Variants in EPN3 observed in about 807,000 individuals in gnomAD.
EPN3 encodes the protein epsin-3.
In EPN3, 56 loss-of-function variants were observed where a neutral mutation model predicts 55.5. That is an observed-to-expected ratio of 1.01 (90% CI 0.81 to 1.26). The LOEUF is 1.26. Among genes scored for constraint, EPN3 ranks in the 50% most tolerant of loss-of-function variants. The probability of loss-of-function intolerance (pLI) is 0.00; values close to 1 mark genes in which losing one functional copy is unlikely to be tolerated. For missense variants in EPN3, 927 were observed against 853.4 expected (o/e 1.09, Z -1.07); for synonymous variants, 449 against 375.2 (o/e 1.20, Z -2.27).
rs1276107029 is a variant in EPN3 at position 50,536,834 on chromosome 17, C to A, written c.278C>A (p.Ala93Asp). ...CTCAAGACGGGCTCCGAGCGGGTGG[C>A]CCACCAGTGCCGCGAGAACCTCTAC... ...YLLKTGSERV[A>D]HQCRENLYTI... The change falls in exon 2 of 10, where the codon GCC (alanine) becomes GAC (aspartate). Residue 93 changes from alanine to aspartate, a missense_variant. Physicochemically the swap from Ala to Asp is moderately radical, Grantham distance 126. Coordinates refer to ENST00000268933, the MANE Select transcript of EPN3 (RefSeq NM_017957.3). 2 of 1,614,024 alleles carry A rather than the reference C, an allele frequency of 1.2e-6. No homozygotes were observed. The highest frequency in any genetic ancestry group is 4.5e-5 in the East Asian group (2 of 44,864).
rs767229067 is a variant in EPN3 at position 50,537,463 on chromosome 17, G to A, written c.562+345G>A. The A allele has an allele frequency of 8.8e-6, 3 of 341,700 alleles. No homozygotes were observed. The South Asian group carries it at 1.1e-4, about 12-fold the overall frequency. The allele number at this position is 341,700 out of a possible 1,614,324, so 21.2% of individuals were successfully genotyped here. ...TCTCTGAACCTCAGTTTCCTCATCTGTACAGTGGGGATAAGCTCACCTACC... is the reference window on the plus strand; with the variant it reads ...TCTCTGAACCTCAGTTTCCTCATCTATACAGTGGGGATAAGCTCACCTACC... On this transcript the variant is annotated intron_variant, in intron 2 of 9. Transcript: ENST00000268933.
In EPN3 at chr17:50,541,211, TCCTC is replaced by T; in HGVS notation, c.1250-17_1250-14del. 6.2e-7 allele frequency: 1 copy of T among 1,613,282 alleles called. No individual in the cohort carries two copies. The highest frequency in any genetic ancestry group is 1.1e-5 in the South Asian group (1 of 91,068). On this transcript the variant is annotated splice_polypyrimidine_tract_variant and intron_variant, in intron 7 of 9. Transcript: ENST00000268933. ...CCCTTTTTGTCAACCCATCTCCTCT[TCCTC>T]TCTCTCTTCCGAGGTGGTGCCTCGA...
intron 1 of EPN3, chr17:50,534,685 C>A: frequency 1.0e-6 from 1 of 976,278 alleles, no homozygotes. Context: ...CACTCTCCAC[C>A]TCGCCCACTC....
rs2034804678 is a variant in EPN3 at position 50,538,929 on chromosome 17, C to G, written c.727C>G (p.Leu243Val). 1.9e-6 allele frequency: 3 copies of G among 1,608,460 alleles called. No homozygotes were observed. The highest frequency in any genetic ancestry group is 3.3e-5 in the Admixed American group (2 of 59,716). Residue 243 changes from leucine (L) to valine (V), a missense_variant, in exon 4 of 10, where the codon CTG becomes GTG. Leu to Val is a conservative substitution (Grantham distance 32). Transcript: ENST00000268933. The part of the protein sequence containing the change: ...SHRDEDLQLQ[L>V]ALRLSRQEHE... ...CAGGGACGAGGACCTGCAGCTGCAGCTGGCTCTGCGCCTGAGCCGGCAGGA... is the reference window on the plus strand; with the variant it reads ...CAGGGACGAGGACCTGCAGCTGCAGGTGGCTCTGCGCCTGAGCCGGCAGGA...
rs1480346256 is a variant in EPN3, at chr17:50,541,253, T to G, written c.1274T>G (p.Phe425Cys). The change falls in exon 8 of 10, where the codon TTT becomes TGT. Residue 425 changes from phenylalanine to cysteine, a missense_variant. Physicochemically the swap from Phe to Cys is radical, Grantham distance 205 (BLOSUM62 -2). Transcript: ENST00000268933. ...GGTGGTGCCTCGACCTTTGACCCAT[T>G]TGCCAAACCTCCAGAATCCACAGAG... ...TPGGASTFDP[F>C]AKPPESTETK... 6.2e-6 allele frequency: 10 copies of G among 1,613,508 alleles called. No homozygotes were observed. The highest frequency in any genetic ancestry group is 8.5e-6 in the Non-Finnish European group (10 of 1,179,984).
At chr17:50,539,437 T>C (rs1337566390) in intron 5 of EPN3, 122 bp downstream of exon 5, 13 of 1,427,202 alleles carry the variant, frequency 9.1e-6, no homozygotes, top group Admixed American at 8.5e-5. Flanking sequence ...TTCGATGAAA[T>C]AGGGGTGGGG....
rs372785882 is a variant in EPN3 at position 50,540,803 on chromosome 17, G to A, written c.990G>A (p.Pro330=). ...ADPWDIPGFR[P]NTEASGSSWG... ...CTGTTCCCATTTCAGGTTTTAGGCC[G>A]AACACAGAGGCCAGTGGATCCTCCT... Residue 330 remains proline (P), a synonymous_variant, in exon 7 of 10, where the codon CCG becomes CCA. Coordinates refer to ENST00000268933, the MANE Select transcript of EPN3 (RefSeq NM_017957.3). The A allele has an allele frequency of 2.9e-4, 461 of 1,609,238 alleles. No homozygotes were observed. Among genetic ancestry groups the A allele is most frequent in the Non-Finnish European group, 3.4e-4 (400 of 1,176,662 alleles).
At chr17:50,540,650 C>G in intron 6 of EPN3, 143 bp from the exon 7 acceptor site, 1 of 1,155,404 alleles carries the variant, frequency 8.7e-7, no homozygotes, top group Non-Finnish European at 1.2e-6. Flanking sequence ...AATAGGGGCT[C>G]CAGCCTGCTG....
rs781751675 is a variant in EPN3 at position 50,537,104 on chromosome 17, C to G, written c.548C>G (p.Pro183Arg). 3 of 1,602,600 alleles carry G rather than the reference C, an allele frequency of 1.9e-6. No individual in the cohort carries two copies. Among genetic ancestry groups the G allele is most frequent in the Non-Finnish European group, 1.7e-6 (2 of 1,176,180 alleles). The change falls in exon 2 of 10, where the codon CCG becomes CGG. Residue 183 changes from proline to arginine, a missense_variant. Physicochemically the swap from Pro to Arg is moderately radical, Grantham distance 103. Transcript: ENST00000268933. ...GEDYSRSRGS[P>R]SSYNSSSSSP... ...GACTACAGCCGCTCCCGGGGCTCCC[C>G]GTCCTCCTACAACTGTGAGTAAGCC...
At chr17:50,538,701 C>T in intron 3 of EPN3, 183 bp from the exon 4 acceptor site, 1 of 516,446 alleles carries the variant, frequency 1.9e-6, no homozygotes, top group South Asian at 4.0e-5. Context: ...GACCTTTAAA[C>T]TGCATTTCAG....
chr17:50,535,607 C>T (rs1221690338), intron 1 of EPN3, among the ~76,000 whole-genome samples: 1 of 152,182 alleles, frequency 6.6e-6, no homozygotes, highest in East Asian at 1.9e-4. Flanking sequence ...TCACCACCTC[C>T]TCTAGGAAGT....
chr17:50,540,752 A>G (rs764846126), intron 6 of EPN3, 41 bp from the exon 7 acceptor site: 8 of 1,545,442 alleles, frequency 5.2e-6, no homozygotes, highest in Non-Finnish European at 6.1e-6. Context: ...GCGAGGGATA[A>G]GGGTGGGCCT....
chr17:50,541,884 C>G lies in EPN3; in HGVS notation c.1626C>G (p.Gly542=). 1.9e-6 allele frequency: 3 copies of G among 1,607,876 alleles called. No individual in the cohort carries two copies. Among genetic ancestry groups the G allele is most frequent in the Non-Finnish European group, 2.5e-6 (3 of 1,179,930 alleles). The change falls in exon 10 of 10, where the codon GGC becomes GGG. Residue 542 remains glycine, a synonymous_variant. Coordinates refer to ENST00000268933, the MANE Select transcript of EPN3 (RefSeq NM_017957.3). ...CCCCCACCAACCCGTTCGGCGCGGGCGAGCCGGGCAGGCCGACGCTAAACC... is the reference window on the plus strand; with the variant it reads ...CCCCCACCAACCCGTTCGGCGCGGGGGAGCCGGGCAGGCCGACGCTAAACC... ...APSPTNPFGA[G]EPGRPTLNQM...
chr17:50,539,092 A>AGG (rs2034808193), intron 4 of EPN3, 95 bp from the exon 5 acceptor site: 2 of 1,575,402 alleles, frequency 1.3e-6, no homozygotes, highest in Non-Finnish European at 1.7e-6. Context: ...GCTGCCTCCC[A>AGG]CCCTGCACTC....
intron 1 of EPN3, among the ~76,000 whole-genome samples, chr17:50,534,814 C>T (rs952188032): frequency 4.6e-5 from 7 of 152,126 alleles, no homozygotes; most frequent in African/African-American, 1.2e-4. Context: ...AGCGTGGAAT[C>T]GGGTGCGAGA....
In EPN3 at chr17:50,536,866, C is replaced by T; in HGVS notation, c.310C>T (p.Gln104Ter). The T allele has an allele frequency of 2.5e-6, 4 of 1,614,172 alleles. No individual in the cohort carries two copies. The highest frequency in any genetic ancestry group is 3.4e-6 in the Non-Finnish European group (4 of 1,180,044). Reference protein sequence around the residue: ...HQCRENLYTIQTLKDFQYIDR... With the variant: ...HQCRENLYTI The stretch of plus-strand genomic sequence containing the variant: ...GTGCCGCGAGAACCTCTACACCATC[C>T]AGACACTCAAGGACTTCCAGTACAT... The change falls in exon 2 of 10, where the codon CAG (glutamine) becomes TAG (stop). Residue 104 changes from glutamine (Q) to a stop codon, truncating the protein, a stop_gained. Coordinates refer to ENST00000268933, the MANE Select transcript of EPN3 (RefSeq NM_017957.3). LOFTEE classifies it high-confidence loss of function.
chr17:50,540,074 GTGGA>G (rs2034823531), intron 5 of EPN3, 169 bp from the exon 6 acceptor site: 1 of 490,148 alleles, frequency 2.0e-6, no homozygotes, highest in African/African-American at 2.0e-5. Context: ...CAGGTACTCT[GTGGA>G]TGAAGAAACA....
intron 1 of EPN3, chr17:50,534,474 C>A (rs895087916): frequency 9.1e-6 from 9 of 985,400 alleles, no homozygotes; most frequent in Admixed American, 6.1e-5. Context: ...GTGTGCTGGG[C>A]GGGCTTTGGT....
Position 50,538,034 on chromosome 17 carries a change from C to A in EPN3, c.563-45C>A, listed in dbSNP as rs1166856871. On this transcript the variant is annotated intron_variant, in intron 2 of 9. Coordinates refer to ENST00000268933, the MANE Select transcript of EPN3 (RefSeq NM_017957.3). ...CCTGGCAGGCAGAGGGGTGTGGGAGCCGATGGGTAATCGTGTGGTCACAGA... is the reference window on the plus strand; with the variant it reads ...CCTGGCAGGCAGAGGGGTGTGGGAGACGATGGGTAATCGTGTGGTCACAGA... 9.4e-6 allele frequency: 14 copies of A among 1,487,060 alleles called. No individual in the cohort carries two copies. In the Admixed American group the frequency reaches 1.5e-4, roughly 16 times the overall value. 92.1% of individuals were successfully genotyped at this position (1,487,060 alleles called of 1,614,324 possible). A position where few individuals can be genotyped will look rare whatever the true frequency, so the allele number is the denominator to read the frequency against.
Sources: allele counts gnomAD v4.1 joint callset (sites outside exome capture counted in the v4.1 genomes callset), GRCh38; gene constraint gnomAD v4.1.1; transcripts MANE v1.5; gene names NCBI Gene and HGNC (gene_info 2026-07-23, HGNC 2026-07-21).